The following USP30 variants were observed in gnomAD, a reference collection of about 807,000 sequenced individuals.
The protein encoded by USP30 is ubiquitin specific peptidase 30.
In USP30, 41 loss-of-function variants were observed where a neutral mutation model predicts 68.2. The ratio of observed to expected loss-of-function variants is 0.60; its 90% CI spans 0.47 to 0.78. USP30 has a LOEUF of 0.78. Ranked by LOEUF, USP30 falls within the 30% of genes least tolerant of loss-of-function variation. The pLI is 0.00. For missense variants in USP30, 522 were observed against 649.4 expected (o/e 0.80, Z 2.13); for synonymous variants, 229 against 253.7 (o/e 0.90, Z 0.93).
chr12:109,085,163 A>G (rs759198006), intron 12 of USP30, 90 bp downstream of exon 12: 22 of 1,267,358 alleles, frequency 1.7e-5, no homozygotes, highest in Non-Finnish European at 2.3e-5. Flanking sequence ...TAAGGAAAAT[A>G]TAGATGTTTA....
At chr12:109,065,944 C>T (rs1468223733) in intron 3 of USP30, among the ~76,000 whole-genome samples, 1 of 152,140 alleles carries the variant, frequency 6.6e-6, no homozygotes, top group Non-Finnish European at 1.5e-5. Context: ...CAACAGAGAC[C>T]ATGTGGTCCA....
intron 3 of USP30, among the ~76,000 whole-genome samples, chr12:109,031,298 CAT>C (rs965647374): frequency 2.6e-5 from 4 of 152,230 alleles, no homozygotes; most frequent in African/African-American, 7.2e-5. Flanking sequence ...AAACTCTACA[CAT>C]GTGTCCTCAA....
At chr12:109,075,809 C>A (rs1217503538) in intron 7 of USP30, among the ~76,000 whole-genome samples, 1 of 148,588 alleles carries the variant, frequency 6.7e-6, no homozygotes, top group Non-Finnish European at 1.5e-5. Context: ...CTGTTCAGCT[C>A]CTTTGCCCAT....
intron 3 of USP30, among the ~76,000 whole-genome samples, chr12:109,032,225 G>T (rs1433488524): frequency 3.3e-5 from 5 of 152,024 alleles, no homozygotes; most frequent in African/African-American, 4.8e-5. Flanking sequence ...GGTTGCTTGA[G>T]CCCAGGAGGC....
chr12:109,029,178 G>C (rs1184724453), intron 3 of USP30, among the ~76,000 whole-genome samples: 1 of 152,198 alleles, frequency 6.6e-6, no homozygotes, highest in East Asian at 1.9e-4. Context: ...ACTGGCTGCA[G>C]CTTGGTCCAG....
intron 4 of USP30, among the ~76,000 whole-genome samples, chr12:109,069,107 G>A (rs2041350020): frequency 6.6e-6 from 1 of 152,246 alleles, no homozygotes; most frequent in Admixed American, 6.5e-5. Flanking sequence ...GATTTGCCCA[G>A]AATCATGCAG....
At chr12:109,081,206 C>A in intron 7 of USP30, 128 bp from the exon 8 acceptor site, 1 of 797,776 alleles carries the variant, frequency 1.3e-6, no homozygotes. Flanking sequence ...ATTCTAAGTA[C>A]ATTATATTTT....
chr12:109,032,025 C>A (rs1226405636), intron 3 of USP30, among the ~76,000 whole-genome samples: 4 of 151,534 alleles, frequency 2.6e-5, no homozygotes, highest in Non-Finnish European at 2.9e-5. Context: ...TCACTTGAGC[C>A]TAGGCAGTCA....
chr12:109,024,841 G>A (rs1593216244), exon 2 of USP30: 3 of 151,190 alleles, frequency 2.0e-5, no homozygotes, highest in South Asian at 2.1e-4. Context: ...GGATGGTCTC[G>A]ATCTCCTGAT....
chr12:109,066,247 C>CAAAAA (rs35466141), intron 3 of USP30, among the ~76,000 whole-genome samples: 1 of 96,024 alleles, frequency 1.0e-5, no homozygotes, highest in African/African-American at 4.7e-5. Flanking sequence ...GACCCTGTCT[C>CAAAAA]AAAAAAAAAA....
chr12:109,059,637 C>G (rs1367518747), intron 3 of USP30, among the ~76,000 whole-genome samples: 1 of 152,170 alleles, frequency 6.6e-6, no homozygotes, highest in African/African-American at 2.4e-5. Context: ...CTTCAGCCTC[C>G]CTAGTATCTG....
intron 3 of USP30, among the ~76,000 whole-genome samples, chr12:109,028,968 G>A (rs954821911): frequency 6.6e-6 from 1 of 152,186 alleles, no homozygotes; most frequent in Non-Finnish European, 1.5e-5. Flanking sequence ...AAATGTCCTT[G>A]AGATTTGAAA....
intron 1 of USP30, among the ~76,000 whole-genome samples, chr12:109,055,800 A>G (rs1322078604): frequency 1.3e-5 from 2 of 149,866 alleles, no homozygotes; most frequent in Non-Finnish European, 3.0e-5. Context: ...GAGACAGACA[A>G]CAAACCCAGT....
upstream of USP30, among the ~76,000 whole-genome samples, chr12:109,048,739 CAA>C (rs60197959): frequency 4.6e-5 from 4 of 86,972 alleles, no homozygotes; most frequent in Non-Finnish European, 7.4e-5. Context: ...GACTCTGTCT[CAA>C]AAAAAAAAAA....
At chr12:109,066,247 CAA>C (rs35466141) in intron 3 of USP30, among the ~76,000 whole-genome samples, 19 of 95,990 alleles carry the variant, frequency 2.0e-4, no homozygotes, top group East Asian at 5.3e-4. Context: ...GACCCTGTCT[CAA>C]AAAAAAAAAA....
intron 3 of USP30, among the ~76,000 whole-genome samples, chr12:109,062,004 C>A (rs1359317001): frequency 1.3e-5 from 2 of 152,078 alleles, no homozygotes; most frequent in African/African-American, 4.8e-5. Flanking sequence ...GGTGCAGTCT[C>A]GGCTCACTGC....
At chr12:109,069,248 A>G (rs2041354040) in intron 4 of USP30, among the ~76,000 whole-genome samples, 1 of 152,210 alleles carries the variant, frequency 6.6e-6, no homozygotes, top group Admixed American at 6.5e-5. Flanking sequence ...GGTTTAGGTT[A>G]TAGATCCACC....
chr12:109,059,754 C>A (rs2041002286), intron 3 of USP30, among the ~76,000 whole-genome samples: 1 of 152,130 alleles, frequency 6.6e-6, no homozygotes, highest in Non-Finnish European at 1.5e-5. Context: ...CTCAACTGAT[C>A]TGCCTGCCTC....
At chr12:109,063,056 A>G (rs61935539) in intron 3 of USP30, among the ~76,000 whole-genome samples, 7,768 of 152,172 alleles carry the variant, frequency 0.051, 274 homozygotes, top group Non-Finnish European at 0.074. Flanking sequence ...TCCATGTTAT[A>G]CCATGTATCA....
Sources: allele counts gnomAD v4.1 joint callset (sites outside exome capture counted in the v4.1 genomes callset), GRCh38; gene constraint gnomAD v4.1.1; transcripts MANE v1.5; gene names NCBI Gene and HGNC (gene_info 2026-07-23, HGNC 2026-07-21).